Variants in MYO1A observed in about 807,000 individuals in gnomAD.
MYO1A encodes myosin IA, also known as unconventional myosin-Ia.
MYO1A carries 127 observed loss-of-function variants against 138.5 expected under a neutral mutation model. The observed-to-expected ratio is 0.92, with a 90% CI of 0.79 to 1.06. MYO1A has a LOEUF of 1.06. Among genes scored for constraint, MYO1A ranks in the 50% least tolerant of loss-of-function variants. The pLI, the probability that MYO1A is intolerant of heterozygous loss-of-function variation, is 0.00. For missense variants in MYO1A, 1,211 were observed against 1,288.8 expected (o/e 0.94, Z 0.92); for synonymous variants, 477 against 497.5 (o/e 0.96, Z 0.55).
In MYO1A at chr12:57,037,006, C is replaced by A. The variant is rs369452147; in HGVS notation, c.2141G>T (p.Arg714Leu). 6.2e-7 allele frequency: 1 copy of A among 1,614,130 alleles called. No individual in the cohort carries two copies. Among genetic ancestry groups the A allele is most frequent in the Non-Finnish European group, 8.5e-7 (1 of 1,180,014 alleles). The change falls in exon 20 of 28, where the codon CGC becomes CTC. Residue 714 changes from arginine to leucine, a missense_variant. Coordinates refer to ENST00000300119, the MANE Select transcript of MYO1A (RefSeq NM_005379.4). ...IQKIYRGWRC[R>L]THYQLMRKSQ... The stretch of plus-strand genomic sequence containing the variant: ...CTTTCGCATCAGTTGGTAGTGGGTG[C>A]GGCAGCGCCAGCCTCGGTAAATCTT...
intron 5 of MYO1A, 33 bp from the exon 6 acceptor site, chr12:57,047,140 T>C (rs1207450451): frequency 2.5e-6 from 4 of 1,612,720 alleles, no homozygotes; most frequent in Admixed American, 3.3e-5. Context: ...AGTGAAACTC[T>C]AGAGAAGGGA....
intron 22 of MYO1A, among the ~76,000 whole-genome samples, chr12:57,032,425 A>G (rs919762145): frequency 8.5e-5 from 13 of 152,214 alleles, no homozygotes; most frequent in Admixed American, 7.9e-4. Context: ...ATAAATATAT[A>G]GTGTGATGTC....
chr12:57,043,739 G>A, intron 10 of MYO1A, 117 bp downstream of exon 10: 1 of 1,340,992 alleles, frequency 7.5e-7, no homozygotes, highest in Non-Finnish European at 1.0e-6. Context: ...ACTCAGGAGT[G>A]GGCTGAGTGG....
At chr12:57,034,458 A>C (rs1230984773) in intron 22 of MYO1A, among the ~76,000 whole-genome samples, 1 of 151,966 alleles carries the variant, frequency 6.6e-6, no homozygotes, top group Non-Finnish European at 1.5e-5. Flanking sequence ...GAATCACTTG[A>C]GCTCAGGAGT....
chr12:57,037,147 C>CCT (rs928795330), intron 19 of MYO1A, 56 bp from the exon 20 acceptor site: 4 of 1,604,366 alleles, frequency 2.5e-6, no homozygotes, highest in Non-Finnish European at 3.4e-6. Flanking sequence ...ACAGTGCTGT[C>CCT]CTCTCCTATA....
Position 57,047,426 on chromosome 12 carries a change from C to T in MYO1A, c.326-19G>A. On this transcript the variant is annotated intron_variant, in intron 4 of 27. Coordinates refer to ENST00000300119, the MANE Select transcript of MYO1A (RefSeq NM_005379.4). ...CTGGCCTCTGTGCAGGCAAAACGCT[C>T]TCATGGGTCCCCACCCAGGACTAGC... The T allele has an allele frequency of 6.2e-7, 1 of 1,610,770 alleles. No individual in the cohort carries two copies. The highest frequency in any genetic ancestry group is 8.5e-7 in the Non-Finnish European group (1 of 1,177,024).
intron 14 of MYO1A, among the ~76,000 whole-genome samples, chr12:57,039,930 G>C (rs2030782245): frequency 6.6e-6 from 1 of 152,184 alleles, no homozygotes; most frequent in South Asian, 2.1e-4. Context: ...GAGACTTTGA[G>C]ACTATATAAT....
In MYO1A at chr12:57,028,623, TC is replaced by T. The variant is rs1592466647; in HGVS notation, c.*131del. The T allele has an allele frequency of 7.7e-6, 10 of 1,293,256 alleles. No individual in the cohort carries two copies. The East Asian group carries it at 2.3e-4, about 30-fold the overall frequency. The allele number at this position is 1,293,256 out of a possible 1,614,324, so 80.1% of individuals were successfully genotyped here. ...GAAGGGTTTGGGACAAGGGTCCTCT[TC>T]AAGGGTAGTTTAATCCCCAAGCCAT... On this transcript the variant is annotated 3_prime_UTR_variant, in exon 28 of 28. Transcript: ENST00000300119.
At chr12:57,039,138 G>C (rs1255038610) in intron 15 of MYO1A, 74 bp downstream of exon 15, 1 of 1,569,654 alleles carries the variant, frequency 6.4e-7, no homozygotes, top group African/African-American at 1.4e-5. Flanking sequence ...TGGGGAATCA[G>C]GGAGAGAGAC....
In MYO1A at chr12:57,038,893, C is replaced by A. The variant is rs903399855; in HGVS notation, c.1449G>T (p.Glu483Asp). 11 of 1,614,046 alleles carry A rather than the reference C, an allele frequency of 6.8e-6. No homozygotes were observed. Among genetic ancestry groups the A allele is most frequent in the Non-Finnish European group, 8.5e-6 (10 of 1,180,052 alleles). ...NQLFSKHGHY[E>D]SKVTQNAQRQ... ...GCTGGGCATTCTGGGTGACTTTGCTCTCGTAGTGGCCATGCTTGGAGAAGA... is the reference window on the plus strand; with the variant it reads ...GCTGGGCATTCTGGGTGACTTTGCTATCGTAGTGGCCATGCTTGGAGAAGA... Residue 483 changes from glutamate to aspartate, a missense_variant, in exon 16 of 28, where the codon GAG becomes GAT. Glu to Asp is a conservative substitution (Grantham distance 45, BLOSUM62 2). Transcript: ENST00000300119.
rs374277812 is a variant in MYO1A, at chr12:57,028,769, C to A, written c.3118G>T (p.Val1040Leu). 6 of 1,614,124 alleles carry A rather than the reference C, an allele frequency of 3.7e-6. No homozygotes were observed. The highest frequency in any genetic ancestry group is 5.1e-6 in the Non-Finnish European group (6 of 1,180,004). ...YKKKGSHCLE[V>L]TVQ Reference sequence around the variant, plus strand: ...GTGCCCCCTCCTCACTGCACAGTCACCTCCAAGCAATGACTCCCCTTTTTT... The same window carrying A: ...GTGCCCCCTCCTCACTGCACAGTCAACTCCAAGCAATGACTCCCCTTTTTT... The change falls in exon 28 of 28, where the codon GTG becomes TTG. Residue 1040 changes from valine (V) to leucine (L), a missense_variant. Val to Leu is a conservative substitution (Grantham distance 32). Coordinates refer to ENST00000300119, the MANE Select transcript of MYO1A (RefSeq NM_005379.4).
chr12:57,044,263 TC>T, intron 8 of MYO1A, 54 bp from the exon 9 acceptor site: 1 of 1,444,660 alleles, frequency 6.9e-7, no homozygotes, highest in South Asian at 1.2e-5. Context: ...TCTGGAGCCC[TC>T]CAGCCTTGAC....
intron 27 of MYO1A, 69 bp from the exon 28 acceptor site, chr12:57,028,950 G>GC: frequency 5.0e-6 from 8 of 1,598,130 alleles, no homozygotes; most frequent in African/African-American, 1.3e-5. Flanking sequence ...TTCCATGATG[G>GC]CCCCCCCATC....
chr12:57,043,185 G>A (rs768246377), intron 11 of MYO1A, 27 bp from the exon 12 acceptor site: 8 of 1,613,982 alleles, frequency 5.0e-6, no homozygotes, highest in Admixed American at 1.7e-5. Context: ...GCTGATTAGG[G>A]TGGCATCACA....
intron 27 of MYO1A, 36 bp from the exon 28 acceptor site, chr12:57,028,917 T>TCCCCTTAC: frequency 1.9e-6 from 3 of 1,611,238 alleles, no homozygotes; most frequent in Non-Finnish European, 2.5e-6. Context: ...CTAGTGCCCA[T>TCCCCTTAC]CCCCTCACCC....
rs1158878674 is a variant in MYO1A at position 57,038,549 on chromosome 12, G to C, written c.1623C>G (p.Pro541=). ...CCTCAGGAAACAAGGACCGAAGGAG[G>C]GGGTGCTGGGCCTTCCACATGGCCT... ...LLQAMWKAQH[P]LLRSLFPEGN... is the part of the protein sequence containing the mutation. Residue 541 remains proline (P), a synonymous_variant, in exon 17 of 28, where the codon CCC becomes CCG. Transcript: ENST00000300119. 2.5e-6 allele frequency: 4 copies of C among 1,614,200 alleles called. No individual in the cohort carries two copies. The highest frequency in any genetic ancestry group is 4.5e-5 in the East Asian group (2 of 44,882).
chr12:57,034,031 T>C (rs2030414964), intron 22 of MYO1A, among the ~76,000 whole-genome samples: 1 of 152,248 alleles, frequency 6.6e-6, no homozygotes, highest in Non-Finnish European at 1.5e-5. Flanking sequence ...CCAATTAATG[T>C]GGAGCCTCTG....
At position 57,047,378 on chromosome 12, in the gene MYO1A, C is replaced by A. The variant is rs1286886947; in HGVS notation, c.355G>T (p.Ala119Ser). ...TGCTCTCCTTTCCCACAGACGGCAG[C>A]CACATAAGACATCACCAGCTTGCTG... is the stretch of plus-strand genomic sequence containing the variant. ...EASKLVMSYV[A>S]AVCGKGEQVN... The change falls in exon 5 of 28, where the codon GCT becomes TCT. Residue 119 changes from alanine to serine, a missense_variant. Physicochemically the swap from Ala to Ser is moderately conservative, Grantham distance 99. Coordinates refer to ENST00000300119, the MANE Select transcript of MYO1A (RefSeq NM_005379.4). 6.2e-7 allele frequency: 1 copy of A among 1,614,034 alleles called. No homozygotes were observed. Among genetic ancestry groups the A allele is most frequent in the Non-Finnish European group, 8.5e-7 (1 of 1,180,032 alleles).
Position 57,029,271 on chromosome 12 carries a change from G to A in MYO1A, c.2878-12C>T. 1 of 1,613,906 alleles carries A rather than the reference G, an allele frequency of 6.2e-7. No homozygotes were observed. The highest frequency in any genetic ancestry group is 8.5e-7 in the Non-Finnish European group (1 of 1,179,998). On this transcript the variant is annotated splice_polypyrimidine_tract_variant and intron_variant, in intron 26 of 27. Coordinates refer to ENST00000300119, the MANE Select transcript of MYO1A (RefSeq NM_005379.4). ...CCCACCGATGACATCTTAGGAAGAG[G>A]GAAAAATAGCAGGAAAGGGATTCAT...
Sources: allele counts gnomAD v4.1 joint callset (sites outside exome capture counted in the v4.1 genomes callset), GRCh38; gene constraint gnomAD v4.1.1; transcripts MANE v1.5; gene names NCBI Gene and HGNC (gene_info 2026-07-23, HGNC 2026-07-21).